The following GABRG2 variants were observed in gnomAD, a reference collection of about 807,000 sequenced individuals.
GABRG2 encodes gamma-aminobutyric acid receptor subunit gamma-2.
In GABRG2, 16 loss-of-function variants were observed where a neutral mutation model predicts 56.4. That is an observed-to-expected ratio of 0.28 (90% confidence interval 0.19 to 0.43). GABRG2 has a LOEUF of 0.43. Among genes scored for constraint, GABRG2 ranks in the 20% least tolerant of loss-of-function variants. The pLI, the probability that GABRG2 is intolerant of heterozygous loss-of-function variation, is 1.00. For missense variants in GABRG2, 327 were observed against 582.7 expected (o/e 0.56, Z 4.52); for synonymous variants, 208 against 205.5 (o/e 1.01, Z -0.10).
chr5:162,144,652 G>A (rs1764824321), intron 7 of GABRG2, among the ~76,000 whole-genome samples: 1 of 152,196 alleles, frequency 6.6e-6, no homozygotes, highest in South Asian at 2.1e-4. Context: ...TAGAGGTGCT[G>A]CAAGGTTAGA....
At chr5:162,142,649 AC>A in intron 7 of GABRG2, 1 of 349,526 alleles carries the variant, frequency 2.9e-6, no homozygotes, top group Non-Finnish European at 5.6e-6. Flanking sequence ...TATCGCAAGG[AC>A]AAAAAACCAA....
intron 9 of GABRG2, chr5:162,152,706 T>C (rs1321874391): frequency 1.1e-5 from 5 of 436,898 alleles, no homozygotes; most frequent in Admixed American, 3.9e-5. Context: ...TCAGAATTGA[T>C]GCATTTTTAT....
chr5:162,140,993 A>G (rs1764519175), intron 6 of GABRG2, among the ~76,000 whole-genome samples: 1 of 151,966 alleles, frequency 6.6e-6, no homozygotes, highest in South Asian at 2.1e-4. Context: ...GTTTCTTAAT[A>G]TATTCTCTGG....
chr5:162,133,487 C>T (rs1182964003), intron 6 of GABRG2, among the ~76,000 whole-genome samples: 1 of 152,034 alleles, frequency 6.6e-6, no homozygotes, highest in East Asian at 1.9e-4. Context: ...TAGATGTTTG[C>T]AGGAGTTACA....
At chr5:162,096,835 A>G (rs1761034373) in intron 3 of GABRG2, among the ~76,000 whole-genome samples, 2 of 152,138 alleles carry the variant, frequency 1.3e-5, no homozygotes, top group African/African-American at 4.8e-5. Context: ...TATAGCATTT[A>G]AGAATGCATT....
intron 6 of GABRG2, among the ~76,000 whole-genome samples, chr5:162,131,276 C>G (rs534102634): frequency 2.0e-5 from 3 of 152,030 alleles, no homozygotes; most frequent in East Asian, 3.9e-4. Flanking sequence ...TTGGAAAATG[C>G]TAAGTTAAAG....
chr5:162,071,092 A>G lies in GABRG2; in HGVS notation c.107+2986A>G, dbSNP rs561322532. ...GGAATAGTATAAAGAATACACCAAC[A>G]TTAGTTATAAGAAGATATTGGCTCC... On this transcript the variant is annotated intron_variant, in intron 1 of 9. Transcript: ENST00000639213. Among the ~76,000 whole-genome samples, 509 of 151,898 alleles carry G rather than the reference A, an allele frequency of 3.4e-3. 2 individuals are homozygous for G. Among genetic ancestry groups the G allele is most frequent in the African/African-American group, 0.012 (496 of 41,542 alleles).
At chr5:162,152,400 T>C (rs1463671406) in intron 9 of GABRG2, 2 of 444,162 alleles carry the variant, frequency 4.5e-6, no homozygotes, top group Non-Finnish European at 8.8e-6. Context: ...ATATATCATT[T>C]AGTTGCATAG....
At chr5:162,078,042 C>T (rs531886962) in intron 1 of GABRG2, among the ~76,000 whole-genome samples, 35 of 152,136 alleles carry the variant, frequency 2.3e-4, no homozygotes, top group African/African-American at 8.4e-4. Context: ...GTTGGTGATA[C>T]AGACCTATCC....
At chr5:162,152,435 A>G (rs211013) in intron 9 of GABRG2, 223,960 of 470,356 alleles carry the variant, frequency 0.48, 55,169 homozygotes, top group East Asian at 0.68. Context: ...GTCTAGCAGG[A>G]AATTTGACAA....
intron 4 of GABRG2, chr5:162,098,229 TTGAGGTGTATGTC>T: frequency 3.8e-6 from 1 of 263,594 alleles, no homozygotes; most frequent in Non-Finnish European, 7.3e-6. Flanking sequence ...AAGAGAATTT[TTGAGGTGTATGTC>T]TCCATACATC....
chr5:162,106,748 G>T (rs1046306419), intron 6 of GABRG2, among the ~76,000 whole-genome samples: 5 of 152,072 alleles, frequency 3.3e-5, no homozygotes, highest in Non-Finnish European at 5.9e-5. Context: ...ATTCATTCAA[G>T]CTTTGTTATA....
chr5:162,124,772 T>C (rs1049483746), intron 6 of GABRG2, among the ~76,000 whole-genome samples: 2 of 151,794 alleles, frequency 1.3e-5, no homozygotes, highest in African/African-American at 4.8e-5. Flanking sequence ...GTGCTAGAGA[T>C]CCAGTCCTTT....
At chr5:162,109,542 A>G (rs529077965) in intron 6 of GABRG2, among the ~76,000 whole-genome samples, 179 of 151,362 alleles carry the variant, frequency 1.2e-3, no homozygotes, top group African/African-American at 4.2e-3. Flanking sequence ...CCTTCTTTTA[A>G]TCATCTCTAA....
chr5:162,107,138 G>C (rs1761895301), intron 6 of GABRG2, among the ~76,000 whole-genome samples: 3 of 151,992 alleles, frequency 2.0e-5, no homozygotes, highest in Admixed American at 1.3e-4. Flanking sequence ...AGCTTGATAG[G>C]GGTAGTGGCT....
chr5:162,069,841 G>A lies in GABRG2; in HGVS notation c.107+1735G>A, dbSNP rs373391585. 3.4e-4 allele frequency among the ~76,000 whole-genome samples: 52 copies of A among 151,870 alleles called. No individual in the cohort carries two copies. In the East Asian group the frequency reaches 4.5e-3, roughly 13 times the overall value. On this transcript the variant is annotated intron_variant, in intron 1 of 9. Coordinates refer to ENST00000639213, the MANE Select transcript of GABRG2 (RefSeq NM_198904.4). The stretch of plus-strand genomic sequence containing the variant: ...TTGTGGATAGCTATTAATTTGTTTC[G>A]GAAATTAGAAAACAGTTACTTACTA...
chr5:162,125,537 G>A (rs1168994043), intron 6 of GABRG2, among the ~76,000 whole-genome samples: 2 of 143,504 alleles, frequency 1.4e-5, no homozygotes, highest in Non-Finnish European at 1.5e-5. Context: ...ATTTTTGATA[G>A]TTAGGATTCC....
At chr5:162,102,575 C>T in intron 5 of GABRG2, 4 of 454,230 alleles carry the variant, frequency 8.8e-6, no homozygotes, top group Middle Eastern at 6.7e-4. Flanking sequence ...ATTGCCCAGG[C>T]TGGAATGTGC....
intron 6 of GABRG2, among the ~76,000 whole-genome samples, chr5:162,127,397 T>C (rs576375760): frequency 6.6e-6 from 1 of 152,082 alleles, no homozygotes; most frequent in Non-Finnish European, 1.5e-5. Flanking sequence ...TCTAATCACC[T>C]ATATGGTATG....
Sources: allele counts gnomAD v4.1 joint callset (sites outside exome capture counted in the v4.1 genomes callset), GRCh38; gene constraint gnomAD v4.1.1; transcripts MANE v1.5; gene names NCBI Gene and HGNC (gene_info 2026-07-23, HGNC 2026-07-21).